Variants in PRSS23 observed in about 807,000 individuals in gnomAD.
PRSS23 encodes the protein serine protease 23.
PRSS23 carries 25 observed loss-of-function variants against 34.7 expected under a neutral mutation model. The observed-to-expected ratio is 0.72, with a 90% CI of 0.53 to 1.01. The LOEUF is 1.01. Among genes scored for constraint, PRSS23 ranks in the 50% least tolerant of loss-of-function variants. The pLI is 0.00. For synonymous variants in PRSS23, 176 were observed against 186.6 expected (o/e 0.94, Z 0.46); for missense variants, 445 against 475.6 (o/e 0.94, Z 0.60).
At chr11:86,923,760 A>T (rs190593670) in intron 2 of PRSS23, among the ~76,000 whole-genome samples, 62 of 152,318 alleles carry the variant, frequency 4.1e-4, no homozygotes, top group Middle Eastern at 6.8e-3. Context: ...TCATTTAATA[A>T]GTGTAAAAAG....
chr11:86,939,132 G>A (rs1949183806), intron 2 of PRSS23: 2 of 392,330 alleles, frequency 5.1e-6, no homozygotes, highest in Non-Finnish European at 1.0e-5. Context: ...AACACGTAAG[G>A]GAAACGTTTC....
In PRSS23 at chr11:86,808,363, CAT is replaced by C. The variant is rs1446352123; in HGVS notation, c.721_722del (p.Ile241ArgfsTer5). On this transcript the variant is annotated frameshift_variant, in exon 2 of 2. Transcript: ENST00000280258. LOFTEE classifies it high-confidence loss of function. ...KGWIKGNAND[I>X]GMDYDYALLE... ...GTTGGATCAAGGGCAATGCCAATGA[CAT>C]CGGCATGGATTATGATTATGCCCTC... The C allele has an allele frequency of 3.7e-6, 6 of 1,614,208 alleles. No homozygotes were observed. The highest frequency in any genetic ancestry group is 5.1e-6 in the Non-Finnish European group (6 of 1,180,044).
At chr11:86,889,886 T>A (rs1565378243) in intron 2 of PRSS23, among the ~76,000 whole-genome samples, 1 of 152,190 alleles carries the variant, frequency 6.6e-6, no homozygotes, top group Non-Finnish European at 1.5e-5. Context: ...GGAGAGCTTG[T>A]TAAAAATACC....
In PRSS23 at chr11:86,849,442, C is replaced by T. The variant is rs112290410; in HGVS notation, c.206+25849C>T. On this transcript the variant is annotated intron_variant, in intron 2 of 2. Coordinates refer to the PRSS23 transcript ENST00000533902. ...GTCCCCTACTTGAAGAAGGAATCAA[C>T]TCTGAAGTCTGGGCCTTGGAAGGAC... Among the ~76,000 whole-genome samples the T allele has an allele frequency of 9.6e-4, 146 of 152,324 alleles. 1 individual carries two copies. Among genetic ancestry groups the T allele is most frequent in the African/African-American group, 3.2e-3 (133 of 41,580 alleles).
chr11:86,826,598 C>T (rs1191191921), intron 2 of PRSS23, among the ~76,000 whole-genome samples: 1 of 152,168 alleles, frequency 6.6e-6, no homozygotes, highest in Non-Finnish European at 1.5e-5. Flanking sequence ...CTTCCAATTT[C>T]TGCCCATTCA....
At chr11:86,944,614 G>A (rs1014967542) in intron 2 of PRSS23, among the ~76,000 whole-genome samples, 2 of 152,140 alleles carry the variant, frequency 1.3e-5, no homozygotes, top group South Asian at 2.1e-4. Context: ...GAAATGCCAG[G>A]AGAATAAAAT....
rs148587564 is a variant in PRSS23 at position 86,816,460 on chromosome 11, T to C, written c.-11-6917T>C. On this transcript the variant is annotated intron_variant, in intron 1 of 2. Transcript: ENST00000533902. ...TACAATGGAATTGCCACTTTGTAAATTGAATGAGTTGAGTGCTTCCCCTAC... is the reference window on the plus strand; with the variant it reads ...TACAATGGAATTGCCACTTTGTAAACTGAATGAGTTGAGTGCTTCCCCTAC... 1.1e-3 allele frequency among the ~76,000 whole-genome samples: 162 copies of C among 152,304 alleles called. 1 individual carries two copies. The highest frequency in any genetic ancestry group is 3.8e-3 in the African/African-American group (158 of 41,572).
chr11:86,811,805 A>G (rs566110443), downstream of PRSS23, among the ~76,000 whole-genome samples: 3 of 152,266 alleles, frequency 2.0e-5, no homozygotes, highest in South Asian at 4.2e-4. Flanking sequence ...AGAACTTGTT[A>G]AGAATGACTA....
chr11:86,848,090 C>T lies in PRSS23; in HGVS notation c.206+24497C>T, dbSNP rs145757607. Among the ~76,000 whole-genome samples, 278 of 152,308 alleles carry T rather than the reference C, an allele frequency of 1.8e-3. 4 individuals carry two copies. Among genetic ancestry groups the T allele is most frequent in the African/African-American group, 5.8e-3 (239 of 41,564 alleles). ...ACAAACAGTAGGAGGAGAATTTGGGCGCATTCACATGCATGCCCCCTTCTC... is the reference window on the plus strand; with the variant it reads ...ACAAACAGTAGGAGGAGAATTTGGGTGCATTCACATGCATGCCCCCTTCTC... On this transcript the variant is annotated intron_variant, in intron 2 of 2. Transcript: ENST00000533902.
At chr11:86,821,305 A>G (rs1371093501) in intron 1 of PRSS23, 1 of 599,948 alleles carries the variant, frequency 1.7e-6, no homozygotes. Context: ...ATATCTACCA[A>G]TGATGAAAAT....
chr11:86,871,870 C>T (rs1179672274), intron 2 of PRSS23, among the ~76,000 whole-genome samples: 1 of 152,216 alleles, frequency 6.6e-6, no homozygotes, highest in East Asian at 1.9e-4. Context: ...AACATGTACA[C>T]AGGCCAGATA....
intron 2 of PRSS23, among the ~76,000 whole-genome samples, chr11:86,841,654 C>G (rs919372131): frequency 6.6e-6 from 1 of 152,156 alleles, no homozygotes; most frequent in Non-Finnish European, 1.5e-5. Context: ...ACTATAAACA[C>G]CTCTATGCTA....
intron 2 of PRSS23, among the ~76,000 whole-genome samples, chr11:86,907,039 A>G (rs2134989499): frequency 6.6e-6 from 1 of 152,296 alleles, no homozygotes; most frequent in South Asian, 2.1e-4. Flanking sequence ...AAAAGGAATG[A>G]GCTGCGTTGT....
At chr11:86,899,554 A>C (rs1590919889) in intron 2 of PRSS23, among the ~76,000 whole-genome samples, 1 of 149,754 alleles carries the variant, frequency 6.7e-6, no homozygotes. Context: ...TCGCTCTGTC[A>C]CCCAGGCTGG....
intron 2 of PRSS23, among the ~76,000 whole-genome samples, chr11:86,914,042 T>TAAAAAA (rs35087518): frequency 6.1e-5 from 7 of 114,818 alleles, no homozygotes; most frequent in Admixed American, 9.6e-5. Flanking sequence ...CCATCTCTAC[T>TAAAAAA]AAAAAAAAAA....
chr11:86,840,693 T>G (rs1214652474), intron 2 of PRSS23, among the ~76,000 whole-genome samples: 1 of 152,202 alleles, frequency 6.6e-6, no homozygotes, highest in Non-Finnish European at 1.5e-5. Context: ...ATTCTAAAAT[T>G]GACCACATAA....
intron 2 of PRSS23, chr11:86,951,036 A>G: frequency 1.6e-6 from 2 of 1,213,920 alleles, no homozygotes; most frequent in Non-Finnish European, 2.4e-6. Flanking sequence ...AATTGTTGCT[A>G]GTTTGTTCAA....
intron 2 of PRSS23, chr11:86,911,890 G>T (rs1265381403): frequency 6.6e-6 from 1 of 152,236 alleles, no homozygotes; most frequent in Non-Finnish European, 1.5e-5. Flanking sequence ...TCCCACTTCA[G>T]TAGCTCAGTG....
intron 2 of PRSS23, among the ~76,000 whole-genome samples, chr11:86,901,208 C>T (rs1806243412): frequency 6.6e-6 from 1 of 152,066 alleles, no homozygotes; most frequent in African/African-American, 2.4e-5. Flanking sequence ...AGGTTATTTG[C>T]CAAATGTCTG....
Sources: gnomAD v4.1 joint callset for allele counts (sites outside exome capture counted in the v4.1 genomes callset) on GRCh38, gnomAD v4.1.1 for gene constraint, MANE v1.5 for transcripts, NCBI Gene and HGNC (gene_info 2026-07-23, HGNC 2026-07-21) for gene names.